Variants in CD5 observed in about 807,000 individuals in gnomAD.
CD5 encodes T-cell surface glycoprotein CD5.
CD5 carries 36 observed loss-of-function variants against 60.3 expected under a neutral mutation model. The ratio of observed to expected loss-of-function variants is 0.60; its 90% CI spans 0.46 to 0.79. CD5 has a LOEUF of 0.79. Ranked by LOEUF, CD5 falls within the 30% of genes least tolerant of loss-of-function variation. The probability of loss-of-function intolerance (pLI) is 0.00; values close to 1 mark genes in which losing one functional copy is unlikely to be tolerated. For missense variants in CD5, 540 were observed against 630.6 expected (o/e 0.86, Z 1.54); for synonymous variants, 230 against 257.6 (o/e 0.89, Z 1.03).
intron 1 of CD5, among the ~76,000 whole-genome samples, chr11:61,108,901 G>A (rs1028891282): frequency 1.3e-5 from 2 of 152,220 alleles, no homozygotes; most frequent in African/African-American, 2.4e-5. Context: ...ACAGGGTAAG[G>A]ATGCTGTCAT....
chr11:61,109,315 A>T (rs562012698), intron 1 of CD5, among the ~76,000 whole-genome samples: 20 of 152,316 alleles, frequency 1.3e-4, no homozygotes, highest in African/African-American at 3.8e-4. Flanking sequence ...CGCTGCAGAC[A>T]CTGCCATGTG....
At chr11:61,121,035 C>T (rs181830818) in intron 5 of CD5, among the ~76,000 whole-genome samples, 1 of 152,346 alleles carries the variant, frequency 6.6e-6, no homozygotes, top group Non-Finnish European at 1.5e-5. Flanking sequence ...CCCTGGCAGG[C>T]AGAAATAAAT....
In CD5 at chr11:61,123,891, G is replaced by A. The variant is rs752301756; in HGVS notation, c.1233G>A (p.Gln411=). 1.3e-5 allele frequency: 19 copies of A among 1,432,142 alleles called. No homozygotes were observed. Among genetic ancestry groups the A allele is most frequent in the Non-Finnish European group, 1.6e-5 (17 of 1,067,256 alleles). The allele number at this position is 1,432,142 out of a possible 1,614,324, so 88.7% of individuals were successfully genotyped here. A position where few individuals can be genotyped will look rare whatever the true frequency, so the allele number is the denominator to read the frequency against. Residue 411 remains glutamine (Q), a synonymous_variant, in exon 8 of 11, where the codon CAG becomes CAA. Coordinates refer to ENST00000347785, the MANE Select transcript of CD5 (RefSeq NM_014207.4). ...AYKKLVKKFR[Q]KKQRQWIGPT... is the part of the protein sequence containing the mutation. ...TTCTTGTCTCTTGCCCAGTCCGCCAGAAGAAGCAGCGCCAGTGGATTGGCC... is the reference window on the plus strand; with the variant it reads ...TTCTTGTCTCTTGCCCAGTCCGCCAAAAGAAGCAGCGCCAGTGGATTGGCC...
intron 8 of CD5, 91 bp downstream of exon 8, chr11:61,124,028 C>G (rs1590776363): frequency 2.9e-6 from 3 of 1,017,590 alleles, no homozygotes; most frequent in Admixed American, 3.8e-5. Flanking sequence ...ACAGACGGAG[C>G]CTGTGGCTGC....
At chr11:61,111,821 A>G (rs1473774792) in intron 1 of CD5, among the ~76,000 whole-genome samples, 1 of 152,238 alleles carries the variant, frequency 6.6e-6, no homozygotes, top group Non-Finnish European at 1.5e-5. Flanking sequence ...CCTACTCCAC[A>G]GATCAGTAGC....
In CD5 at chr11:61,122,939, G is replaced by A. The variant is rs767776548; in HGVS notation, c.1132G>A (p.Gly378Ser). ...TCCAAACCCCGCAGGCCTGGCCGCA[G>A]GCACGGTGGCAAGCATCATCCTGGC... ...QDPNPAGLAAGTVASIILALV... is the reference protein window; with the variant it reads ...QDPNPAGLAASTVASIILALV... The change falls in exon 7 of 11, where the codon GGC (glycine) becomes AGC (serine). Residue 378 changes from glycine to serine, a missense_variant. Gly to Ser is a moderately conservative substitution (Grantham distance 56, BLOSUM62 0). Transcript: ENST00000347785. 4 of 1,614,056 alleles carry A rather than the reference G, an allele frequency of 2.5e-6. No individual in the cohort carries two copies. Among genetic ancestry groups the A allele is most frequent in the East Asian group, 2.2e-5 (1 of 44,880 alleles).
At chr11:61,095,911 A>G in the CD5 span, among the ~76,000 whole-genome samples, 1 of 152,234 alleles carries the variant, frequency 6.6e-6, no homozygotes, top group African/African-American at 2.4e-5. Flanking sequence ...CAAAGCACGG[A>G]ATATATCAGG....
At chr11:61,110,200 A>C (rs1191637448) in intron 1 of CD5, among the ~76,000 whole-genome samples, 1 of 152,102 alleles carries the variant, frequency 6.6e-6, no homozygotes, top group Non-Finnish European at 1.5e-5. Flanking sequence ...CTAGATTATA[A>C]GTGAAAAACA....
At chr11:61,097,210 G>T in the CD5 span, among the ~76,000 whole-genome samples, 2 of 152,158 alleles carry the variant, frequency 1.3e-5, no homozygotes, top group African/African-American at 4.8e-5. Flanking sequence ...GTATGCGGAG[G>T]AACTGTAATG....
At chr11:61,099,692 T>A (rs1860633264), upstream of CD5, among the ~76,000 whole-genome samples, 1 of 128,570 alleles carries the variant, frequency 7.8e-6, no homozygotes, top group African/African-American at 3.2e-5. Flanking sequence ...AATTCACACA[T>A]CAACATGGAG....
rs1395769023 is a variant in CD5, at chr11:61,118,303, A to G, written c.223A>G (p.Ser75Gly). 6.2e-7 allele frequency: 1 copy of G among 1,614,160 alleles called. No individual in the cohort carries two copies. The highest frequency in any genetic ancestry group is 8.5e-7 in the Non-Finnish European group (1 of 1,180,058). ...GAGCTCCAAGCAGTGGGAGGACCCC[A>G]GTCAAGCGTCAAAAGTCTGCCAGCG... Reference protein sequence around the residue: ...GRSSKQWEDPSQASKVCQRLN... With the variant: ...GRSSKQWEDPGQASKVCQRLN... Residue 75 changes from serine (S) to glycine (G), a missense_variant, in exon 3 of 11, where the codon AGT (serine) becomes GGT (glycine). Ser to Gly is a moderately conservative substitution (Grantham distance 56). Transcript: ENST00000347785. The surrounding 1 kb of genome is among the most constrained non-coding windows in gnomAD (Gnocchi z 4.7).
intron 1 of CD5, among the ~76,000 whole-genome samples, chr11:61,103,099 T>A (rs903371360): frequency 6.6e-6 from 1 of 152,196 alleles, no homozygotes; most frequent in Admixed American, 6.5e-5. Flanking sequence ...GAGCCGCCTC[T>A]GAGGACGATG....
At chr11:61,102,077 T>C (rs577099674), upstream of CD5, among the ~76,000 whole-genome samples, 12 of 152,368 alleles carry the variant, frequency 7.9e-5, no homozygotes, top group African/African-American at 2.9e-4. Flanking sequence ...GGGTTTGGTT[T>C]TGGCTTTCAC....
chr11:61,112,100 C>A (rs1456867723), intron 1 of CD5, among the ~76,000 whole-genome samples: 1 of 152,176 alleles, frequency 6.6e-6, no homozygotes, highest in Non-Finnish European at 1.5e-5. Flanking sequence ...CACTGAAGGG[C>A]AGATATTTGG....
upstream of CD5, among the ~76,000 whole-genome samples, chr11:61,099,265 A>G (rs1433577643): frequency 6.6e-6 from 1 of 151,294 alleles, no homozygotes; most frequent in East Asian, 2.0e-4. Flanking sequence ...CACATATCGA[A>G]TGGGGATTAC....
At chr11:61,101,911 TACACA>T (rs1376411090), upstream of CD5, among the ~76,000 whole-genome samples, 39 of 142,458 alleles carry the variant, frequency 2.7e-4, no homozygotes, top group African/African-American at 1.0e-3. Flanking sequence ...TCTCTCTCTC[TACACA>T]CACACACACA....
At chr11:61,096,547 G>A in the CD5 span, among the ~76,000 whole-genome samples, 1 of 152,186 alleles carries the variant, frequency 6.6e-6, no homozygotes, top group African/African-American at 2.4e-5. Flanking sequence ...TCGGTGGGGG[G>A]ACATGAGATA....
intron 1 of CD5, among the ~76,000 whole-genome samples, chr11:61,104,468 A>G (rs1860750669): frequency 6.6e-6 from 1 of 152,114 alleles, no homozygotes; most frequent in Admixed American, 6.5e-5. Flanking sequence ...CCAGCTGAGT[A>G]TGGGAACCCG....
At chr11:61,096,528 C>T in the CD5 span, among the ~76,000 whole-genome samples, 7 of 152,198 alleles carry the variant, frequency 4.6e-5, no homozygotes, top group African/African-American at 7.2e-5. Context: ...CTGTCTACCA[C>T]GGACCTGCTC....
Sources: gnomAD v4.1 joint callset for allele counts (sites outside exome capture counted in the v4.1 genomes callset) on GRCh38, gnomAD v4.1.1 for gene constraint, Gnocchi (gnomAD v3.1) non-coding constraint, MANE v1.5 for transcripts, NCBI Gene and HGNC (gene_info 2026-07-23, HGNC 2026-07-21) for gene names.